Variants in C5orf24 observed in about 807,000 individuals in gnomAD.
C5orf24 encodes UPF0461 protein C5orf24.
A neutral mutation model predicts 9.8 loss-of-function variants in C5orf24; 4 were observed. The observed-to-expected ratio is 0.41, with a 90% CI of 0.20 to 0.93. C5orf24 has a LOEUF of 0.93. Among genes scored for constraint, C5orf24 ranks in the 40% least tolerant of loss-of-function variants. The pLI is 0.33. For missense variants in C5orf24, 170 were observed against 236.9 expected (o/e 0.72, Z 1.85); for synonymous variants, 73 against 81.3 (o/e 0.90, Z 0.55).
At chr5:134,853,860 A>G (rs150479181) in intron 1 of C5orf24, among the ~76,000 whole-genome samples, 305 of 152,298 alleles carry the variant, frequency 2.0e-3, no homozygotes, top group African/African-American at 7.0e-3. Context: ...AGGCGGGCAG[A>G]TCACGAGGTC....
At chr5:134,847,720 T>C (rs111934095) in intron 1 of C5orf24, among the ~76,000 whole-genome samples, 4 of 150,916 alleles carry the variant, frequency 2.7e-5, no homozygotes, top group Admixed American at 6.6e-5. Flanking sequence ...TTTTTTTTTT[T>C]TCCTGAGATG....
At chr5:134,837,324 GGA>G in the C5orf24 span, among the ~76,000 whole-genome samples, 2 of 152,086 alleles carry the variant, frequency 1.3e-5, no homozygotes, top group Non-Finnish European at 2.9e-5. Context: ...GTACATCTTA[GGA>G]TTGTTATGAG....
Position 134,855,753 on chromosome 5 carries a change from T to C in C5orf24, c.*286T>C. 1.6e-6 allele frequency: 2 copies of C among 1,288,096 alleles called. No individual in the cohort carries two copies. Among genetic ancestry groups the C allele is most frequent in the Non-Finnish European group, 2.0e-6 (2 of 1,008,000 alleles). The allele number at this position is 1,288,096 out of a possible 1,614,324, so 79.8% of individuals were successfully genotyped here. ...TCATGTCTCATGTTTCATTACTACT[T>C]TGGGGCTGTTCTAAATAGATGCTTT... On this transcript the variant is annotated 3_prime_UTR_variant, in exon 2 of 2. Coordinates refer to ENST00000394976, the MANE Select transcript of C5orf24 (RefSeq NM_001135586.1).
upstream of C5orf24, among the ~76,000 whole-genome samples, chr5:134,842,517 C>G (rs1345048279): frequency 1.3e-5 from 2 of 151,442 alleles, no homozygotes; most frequent in African/African-American, 4.9e-5. Context: ...AAGCTAAAGT[C>G]AACATATAGC....
intron 1 of C5orf24, among the ~76,000 whole-genome samples, chr5:134,853,720 G>GT (rs1756230541): frequency 6.6e-6 from 1 of 151,878 alleles, no homozygotes; most frequent in East Asian, 1.9e-4. Context: ...GATCCACACT[G>GT]TATTTATGAT....
At chr5:134,844,088 T>A (rs1755938491), upstream of C5orf24, among the ~76,000 whole-genome samples, 1 of 152,178 alleles carries the variant, frequency 6.6e-6, no homozygotes. Context: ...AGAATGAAAA[T>A]TTCTTTTTCT....
the C5orf24 span, among the ~76,000 whole-genome samples, chr5:134,837,640 G>A: frequency 6.7e-6 from 1 of 149,688 alleles, no homozygotes; most frequent in Non-Finnish European, 1.5e-5. Flanking sequence ...GAACTCCCTT[G>A]CCCCTTCTGC....
chr5:134,855,525 T>C lies in C5orf24; in HGVS notation c.*58T>C, dbSNP rs1756288013. 6.3e-7 allele frequency: 1 copy of C among 1,585,768 alleles called. No individual in the cohort carries two copies. The highest frequency in any genetic ancestry group is 2.2e-5 in the East Asian group (1 of 44,756). On this transcript the variant is annotated 3_prime_UTR_variant, in exon 2 of 2. Transcript: ENST00000394976. Reference sequence around the variant, plus strand: ...GAAGATTGTGAATAATCCCAAAGCTTCTTGGTTTTATTTTGATATACATAA... The same window carrying C: ...GAAGATTGTGAATAATCCCAAAGCTCCTTGGTTTTATTTTGATATACATAA...
At chr5:134,843,816 A>G (rs1441377377), upstream of C5orf24, among the ~76,000 whole-genome samples, 2 of 152,298 alleles carry the variant, frequency 1.3e-5, no homozygotes, top group East Asian at 1.9e-4. Context: ...TGGCCTCCCA[A>G]AGTGCTGGGA....
At chr5:134,840,305 CAAAAAAAAAA>C in the C5orf24 span, among the ~76,000 whole-genome samples, 13 of 53,418 alleles carry the variant, frequency 2.4e-4, no homozygotes, top group Non-Finnish European at 4.0e-4. Flanking sequence ...GACTGCATCT[CAAAAAAAAAA>C]AAAAAAAAAA....
chr5:134,857,262 A>C lies in C5orf24; in HGVS notation c.*1795A>C. On this transcript the variant is annotated 3_prime_UTR_variant, in exon 2 of 2. Coordinates refer to ENST00000394976, the MANE Select transcript of C5orf24 (RefSeq NM_001135586.1). ...GACCCAAAAACTTTTAAAATAATTAAAATTTTAAAAGAGCACATGTTGTGT... is the reference window on the plus strand; with the variant it reads ...GACCCAAAAACTTTTAAAATAATTACAATTTTAAAAGAGCACATGTTGTGT... 1 of 1,372,034 alleles carries C rather than the reference A, an allele frequency of 7.3e-7. No homozygotes were observed. Among genetic ancestry groups the C allele is most frequent in the Non-Finnish European group, 9.5e-7 (1 of 1,049,800 alleles). 85.0% of individuals were successfully genotyped at this position (1,372,034 alleles called of 1,614,324 possible).
At chr5:134,837,751 T>C in the C5orf24 span, among the ~76,000 whole-genome samples, 1 of 152,186 alleles carries the variant, frequency 6.6e-6, no homozygotes, top group South Asian at 2.1e-4. Flanking sequence ...CCTTGGACTT[T>C]CCAGCTTCCA....
the C5orf24 span, among the ~76,000 whole-genome samples, chr5:134,837,144 T>C: frequency 6.6e-6 from 1 of 151,966 alleles, no homozygotes; most frequent in African/African-American, 2.4e-5. Context: ...CGGCTAATTT[T>C]GTATTTTTGG....
At chr5:134,841,162 A>G (rs1195669473), upstream of C5orf24, among the ~76,000 whole-genome samples, 1 of 151,866 alleles carries the variant, frequency 6.6e-6, no homozygotes, top group South Asian at 2.1e-4. Flanking sequence ...CGTTTCCTCA[A>G]TTTTTTTGGA....
At chr5:134,847,978 C>G (rs907354851) in intron 1 of C5orf24, among the ~76,000 whole-genome samples, 7 of 152,220 alleles carry the variant, frequency 4.6e-5, no homozygotes, top group African/African-American at 1.4e-4. Context: ...TCTGGGATTA[C>G]AGGCCTGAGC....
intron 1 of C5orf24, among the ~76,000 whole-genome samples, chr5:134,853,693 G>T (rs766423081): frequency 6.6e-6 from 1 of 152,062 alleles, no homozygotes; most frequent in African/African-American, 2.4e-5. Context: ...CACAGGGCTT[G>T]TGGTGTAAGG....
the C5orf24 span, among the ~76,000 whole-genome samples, chr5:134,838,914 T>G: frequency 6.6e-6 from 1 of 151,814 alleles, no homozygotes; most frequent in Non-Finnish European, 1.5e-5. Context: ...TAGCACCTCA[T>G]TAAGACCAAT....
chr5:134,842,255 C>T (rs928739085), upstream of C5orf24, among the ~76,000 whole-genome samples: 1 of 151,944 alleles, frequency 6.6e-6, no homozygotes, highest in Non-Finnish European at 1.5e-5. Flanking sequence ...TTTGGGAGGC[C>T]GAGGTGGGAG....
In C5orf24 at chr5:134,846,009, G is replaced by T. The variant is rs982292903; in HGVS notation, c.-207G>T. 6.6e-6 allele frequency: 1 copy of T among 152,308 alleles called. No homozygotes were observed. Among genetic ancestry groups the T allele is most frequent in the African/African-American group, 2.4e-5 (1 of 41,460 alleles). The allele number at this position is 152,308 out of a possible 1,614,324, so 9.4% of individuals were successfully genotyped here. Reference sequence around the variant, plus strand: ...AGCGGCCTCTTCGTACTGCGTCCGGGGCAGGACCGTGCGCGGCGGCCGCGG... The same window carrying T: ...AGCGGCCTCTTCGTACTGCGTCCGGTGCAGGACCGTGCGCGGCGGCCGCGG... On this transcript the variant is annotated 5_prime_UTR_variant, in exon 1 of 2. Transcript: ENST00000394976.
Sources: allele counts gnomAD v4.1 joint callset (sites outside exome capture counted in the v4.1 genomes callset), GRCh38; gene constraint gnomAD v4.1.1; transcripts MANE v1.5; gene names NCBI Gene and HGNC (gene_info 2026-07-23, HGNC 2026-07-21).